The following OSBPL6 variants were observed in gnomAD, a reference collection of about 807,000 sequenced individuals.
OSBPL6 encodes oxysterol binding protein like 6, also known as oxysterol-binding protein-related protein 6.
In OSBPL6, 49 loss-of-function variants were observed where a neutral mutation model predicts 125.8. The observed-to-expected ratio is 0.39, with a 90% confidence interval of 0.31 to 0.49. The LOEUF (loss-of-function observed/expected upper bound fraction) is 0.49. Ranked by LOEUF, OSBPL6 falls within the 20% of genes least tolerant of loss-of-function variation. OSBPL6 has a pLI of 0.88. For synonymous variants in OSBPL6, 394 were observed against 391.8 expected (o/e 1.01, Z -0.07); for missense variants, 986 against 1,135.4 (o/e 0.87, Z 1.89).
chr2:178,198,667 G>A lies in OSBPL6; in HGVS notation c.-351+3993G>A, dbSNP rs978847843. On this transcript the variant is annotated intron_variant, in intron 1 of 24. Coordinates refer to ENST00000190611, the MANE Select transcript of OSBPL6 (RefSeq NM_032523.4). ...ATAAATAAATAAATAAGAGAACTGCGGCACAAAGAGGTTAAGTAATCTGCC... is the reference window on the plus strand; with the variant it reads ...ATAAATAAATAAATAAGAGAACTGCAGCACAAAGAGGTTAAGTAATCTGCC... Among the ~76,000 whole-genome samples the A allele has an allele frequency of 3.0e-4, 30 of 101,452 alleles. 1 individual carries two copies. Among genetic ancestry groups the A allele is most frequent in the Middle Eastern group, 5.7e-3 (1 of 174 alleles). 66.6% of individuals were successfully genotyped at this position (101,452 alleles called of 152,430 possible).
intron 2 of OSBPL6, among the ~76,000 whole-genome samples, chr2:178,302,407 CT>C (rs965541861): frequency 1.3e-5 from 2 of 151,984 alleles, no homozygotes; most frequent in Admixed American, 6.6e-5. Context: ...GTAGAGATGA[CT>C]TTTTTTTATG....
At chr2:178,381,619 C>G (rs992460604) in intron 15 of OSBPL6, among the ~76,000 whole-genome samples, 1 of 152,092 alleles carries the variant, frequency 6.6e-6, no homozygotes, top group African/African-American at 2.4e-5. Flanking sequence ...TCCCAAAGTG[C>G]TGGGATTACA....
intron 5 of OSBPL6, 85 bp from the exon 6 acceptor site, chr2:178,331,467 T>C (rs749477485): frequency 2.2e-6 from 3 of 1,367,464 alleles, no homozygotes; most frequent in Non-Finnish European, 3.1e-6. Context: ...GATTAATAAA[T>C]GCCAAGCAAC....
Position 178,197,872 on chromosome 2 carries a change from A to G in OSBPL6, c.-351+3198A>G, listed in dbSNP as rs533379962. ...AAGGACAATAGAGTTATCACAAGAC[A>G]ATAAGCCTACAAGATATTAGTTGAA... On this transcript the variant is annotated intron_variant, in intron 1 of 24. Transcript: ENST00000190611. Among the ~76,000 whole-genome samples the G allele has an allele frequency of 2.0e-5, 3 of 152,308 alleles. No individual in the cohort carries two copies. The South Asian group carries it at 6.2e-4, about 32-fold the overall frequency.
chr2:178,381,047 A>G (rs1039059210), intron 15 of OSBPL6, among the ~76,000 whole-genome samples: 3 of 152,148 alleles, frequency 2.0e-5, no homozygotes, highest in South Asian at 2.1e-4. Context: ...CTTGTTTTCT[A>G]ATTTTTTACA....
At chr2:178,328,657 T>G (rs1361337181) in intron 5 of OSBPL6, among the ~76,000 whole-genome samples, 1 of 152,076 alleles carries the variant, frequency 6.6e-6, no homozygotes, top group Non-Finnish European at 1.5e-5. Flanking sequence ...CTGACTAATT[T>G]TTTTATTTTT....
At chr2:178,327,928 T>C (rs772094051) in intron 4 of OSBPL6, among the ~76,000 whole-genome samples, 43 of 152,198 alleles carry the variant, frequency 2.8e-4, no homozygotes, top group Non-Finnish European at 5.1e-4. Flanking sequence ...AGTGCCTCTG[T>C]GTTCAGGGAT....
At position 178,332,963 on chromosome 2, in the gene OSBPL6, T is replaced by C. The variant is rs1689351472; in HGVS notation, c.579T>C (p.Asp193=). 4 of 1,614,074 alleles carry C rather than the reference T, an allele frequency of 2.5e-6. No homozygotes were observed. The highest frequency in any genetic ancestry group is 1.7e-5 in the Admixed American group (1 of 60,004). ...RQNEIVRSPR[D]ASFHIFPSTS... ...ATGAAATTGTGAGATCACCAAGAGA[T>C]GCTAGTTTTCACATATTTCCTTCAA... is the stretch of plus-strand genomic sequence containing the variant. The change falls in exon 8 of 25, where the codon GAT becomes GAC. Residue 193 remains aspartate, a synonymous_variant. Coordinates refer to ENST00000190611, the MANE Select transcript of OSBPL6 (RefSeq NM_032523.4).
Position 178,272,776 on chromosome 2 carries a change from A to G in OSBPL6, c.-350-12151A>G, listed in dbSNP as rs183706423. Among the ~76,000 whole-genome samples, 295 of 152,352 alleles carry G rather than the reference A, an allele frequency of 1.9e-3. 2 individuals carry two copies. Among genetic ancestry groups the G allele is most frequent in the African/African-American group, 5.7e-3 (237 of 41,574 alleles). ...CACTTGAGCTTTAGCACACTTTAGC[A>G]TCCTTCTTGCATACTGTAGCAAAAA... On this transcript the variant is annotated intron_variant, in intron 1 of 24. Coordinates refer to ENST00000190611, the MANE Select transcript of OSBPL6 (RefSeq NM_032523.4).
Position 178,395,613 on chromosome 2 carries a change from T to C in OSBPL6, c.*54T>C, listed in dbSNP as rs1695791955. ...CACATTCTGAATGAATAAATAACTA[T>C]GCACAATTATGTTTCTTATAGCTAT... On this transcript the variant is annotated 3_prime_UTR_variant, in exon 25 of 25. Coordinates refer to ENST00000190611, the MANE Select transcript of OSBPL6 (RefSeq NM_032523.4). 1 of 1,311,312 alleles carries C rather than the reference T, an allele frequency of 7.6e-7. No individual in the cohort carries two copies. Among genetic ancestry groups the C allele is most frequent in the African/African-American group, 1.5e-5 (1 of 67,984 alleles). The allele number at this position is 1,311,312 out of a possible 1,614,324, so 81.2% of individuals were successfully genotyped here. A position where few individuals can be genotyped will look rare whatever the true frequency, so the allele number is the denominator to read the frequency against.
At chr2:178,304,407 A>G (rs139672723) in intron 2 of OSBPL6, among the ~76,000 whole-genome samples, 1 of 152,308 alleles carries the variant, frequency 6.6e-6, no homozygotes, top group East Asian at 1.9e-4. Flanking sequence ...AATGCCAAAC[A>G]AAAGAGGAGA....
intron 1 of OSBPL6, among the ~76,000 whole-genome samples, chr2:178,233,917 A>G (rs2090941561): frequency 6.6e-6 from 1 of 152,174 alleles, no homozygotes; most frequent in Non-Finnish European, 1.5e-5. Context: ...AATTCTAGAG[A>G]CACTGAAAAT....
At chr2:178,261,662 T>C (rs2092068080) in intron 1 of OSBPL6, among the ~76,000 whole-genome samples, 1 of 152,246 alleles carries the variant, frequency 6.6e-6, no homozygotes, top group Non-Finnish European at 1.5e-5. Context: ...ATATTATTAG[T>C]TACTGGCTTC....
At chr2:178,346,145 T>A (rs1219939338) in intron 11 of OSBPL6, among the ~76,000 whole-genome samples, 1 of 152,190 alleles carries the variant, frequency 6.6e-6, no homozygotes, top group Non-Finnish European at 1.5e-5. Context: ...TTGCTCTTGA[T>A]GACTCTTAGC....
chr2:178,367,080 A>G (rs147693962), intron 13 of OSBPL6, among the ~76,000 whole-genome samples: 1 of 152,310 alleles, frequency 6.6e-6, no homozygotes, highest in African/African-American at 2.4e-5. Context: ...TATTAAAATT[A>G]TGTGTGTGAA....
intron 13 of OSBPL6, among the ~76,000 whole-genome samples, chr2:178,365,911 G>A (rs1692781803): frequency 6.6e-6 from 1 of 151,926 alleles, no homozygotes; most frequent in Non-Finnish European, 1.5e-5. Context: ...GTTTTTTGGA[G>A]GCAGAGTCTT....
chr2:178,211,208 T>C (rs1318425806), intron 1 of OSBPL6, among the ~76,000 whole-genome samples: 1 of 152,192 alleles, frequency 6.6e-6, no homozygotes, highest in Non-Finnish European at 1.5e-5. Flanking sequence ...AGTTTGAGGC[T>C]GCAGTTAGCT....
At chr2:178,356,383 AG>A (rs1317180134) in intron 12 of OSBPL6, among the ~76,000 whole-genome samples, 1 of 152,240 alleles carries the variant, frequency 6.6e-6, no homozygotes, top group East Asian at 1.9e-4. Context: ...AAGCAACTTC[AG>A]CAAAATCTCA....
chr2:178,304,034 G>C (rs1024659469), intron 2 of OSBPL6, among the ~76,000 whole-genome samples: 1 of 152,178 alleles, frequency 6.6e-6, no homozygotes. Flanking sequence ...CCAAGACTGG[G>C]TAAGTTATAA....
Sources: gnomAD v4.1 joint callset for allele counts (sites outside exome capture counted in the v4.1 genomes callset) on GRCh38, gnomAD v4.1.1 for gene constraint, MANE v1.5 for transcripts, NCBI Gene and HGNC (gene_info 2026-07-23, HGNC 2026-07-21) for gene names.